MARVELD3: variants seen among roughly 807,000 people sequenced by gnomAD.
MARVELD3 encodes the protein MARVEL domain-containing protein 3.
In MARVELD3, 28 loss-of-function variants were observed where a neutral mutation model predicts 33.5. That is an observed-to-expected ratio of 0.84 (90% CI 0.62 to 1.15). MARVELD3 has a LOEUF of 1.15. Among genes scored for constraint, MARVELD3 ranks in the 50% most tolerant of loss-of-function variants. The pLI, the probability that MARVELD3 is intolerant of heterozygous loss-of-function variation, is 0.00. For missense variants in MARVELD3, 582 were observed against 547.6 expected, an observed-to-expected ratio of 1.06 and a Z score of -0.63; for synonymous variants, 241 against 230.4, an observed-to-expected ratio of 1.05 and a Z score of -0.42.
chr16:71,636,200 T>G lies in MARVELD3; in HGVS notation c.*1397T>G. 1.0e-6 allele frequency: 1 copy of G among 962,910 alleles called. No homozygotes were observed. Among genetic ancestry groups the G allele is most frequent in the Non-Finnish European group, 1.2e-6 (1 of 809,174 alleles). The allele number at this position is 962,910 out of a possible 1,614,324, so 59.6% of individuals were successfully genotyped here. A position where few individuals can be genotyped will look rare whatever the true frequency, so the allele number is the denominator to read the frequency against. ...TGAATCCAATAAAAAATCCAAAGAA[T>G]TTTAATTTGGAGTTGATGTCCTCTT... On this transcript the variant is annotated 3_prime_UTR_variant, in exon 3 of 3. Transcript: ENST00000268485.
At position 71,634,412 on chromosome 16, in the gene MARVELD3, T is replaced by C; in HGVS notation, c.815T>C (p.Val272Ala). The change falls in exon 3 of 3, where the codon GTG (valine) becomes GCG (alanine). Residue 272 changes from valine (V) to alanine (A), a missense_variant. By Grantham distance (64) the Val-to-Ala change is moderately conservative. Transcript: ENST00000268485. ...FYQLKLPMVTVAMACSGALTA... is the reference protein window; with the variant it reads ...FYQLKLPMVTAAMACSGALTA... The stretch of plus-strand genomic sequence containing the variant: ...CAGCTAAAGCTGCCCATGGTCACTG[T>C]GGCAATGGCCTGTAGTGGAGCCCTC... 6.2e-7 allele frequency: 1 copy of C among 1,614,250 alleles called. No homozygotes were observed. Among genetic ancestry groups the C allele is most frequent in the Non-Finnish European group, 8.5e-7 (1 of 1,180,048 alleles).
chr16:71,637,858 T>G (rs2044591677), downstream of MARVELD3: 1 of 152,236 alleles, frequency 6.6e-6, no homozygotes, highest in Non-Finnish European at 1.5e-5. Context: ...TATTTTATTT[T>G]TAGAGTATTT....
chr16:71,628,123 C>T (rs138918840), intron 1 of MARVELD3, among the ~76,000 whole-genome samples: 58 of 152,328 alleles, frequency 3.8e-4, no homozygotes, highest in African/African-American at 1.4e-3. Context: ...AGGGTGCGCC[C>T]AGATACAGTC....
Position 71,626,263 on chromosome 16 carries a change from G to T in MARVELD3, c.34G>T (p.Ala12Ser), listed in dbSNP as rs2044465445. The change falls in exon 1 of 3, where the codon GCC becomes TCC. Residue 12 changes from alanine to serine, a missense_variant. Coordinates refer to ENST00000268485, the MANE Select transcript of MARVELD3 (RefSeq NM_052858.6). The surrounding 1 kb of genome is among the most constrained non-coding windows in gnomAD (Gnocchi z 5.3). The part of the protein sequence containing the change: ...EDPSGAREPR[A>S]RPRERDPGRR... ...TCCGTCGGGGGCTCGCGAGCCCCGG[G>T]CCCGGCCGAGAGAGCGGGACCCGGG... The T allele has an allele frequency of 2.0e-6, 3 of 1,529,266 alleles. No homozygotes were observed. In the African/African-American group the frequency reaches 4.2e-5, roughly 21 times the overall value. The allele number at this position is 1,529,266 out of a possible 1,614,324, so 94.7% of individuals were successfully genotyped here. A position where few individuals can be genotyped will look rare whatever the true frequency, so the allele number is the denominator to read the frequency against.
intron 2 of MARVELD3, among the ~76,000 whole-genome samples, chr16:71,632,330 T>C (rs946855143): frequency 1.3e-5 from 2 of 152,218 alleles, no homozygotes; most frequent in African/African-American, 4.8e-5. Context: ...GTGGGTCATT[T>C]TGTTGCATAT....
chr16:71,632,875 A>G (rs1376235434), intron 2 of MARVELD3, among the ~76,000 whole-genome samples: 1 of 151,692 alleles, frequency 6.6e-6, no homozygotes, highest in Non-Finnish European at 1.5e-5. Context: ...GCCTCCCAAA[A>G]TGCTGGGATT....
At chr16:71,632,728 C>G (rs1419154433) in intron 2 of MARVELD3, among the ~76,000 whole-genome samples, 1 of 151,906 alleles carries the variant, frequency 6.6e-6, no homozygotes, top group Non-Finnish European at 1.5e-5. Flanking sequence ...TCTTCCACCT[C>G]AGCCTCCTGA....
At chr16:71,628,252 G>A (rs756423162) in intron 1 of MARVELD3, among the ~76,000 whole-genome samples, 30 of 152,252 alleles carry the variant, frequency 2.0e-4, no homozygotes, top group Admixed American at 9.8e-4. Context: ...ACCACTGTCC[G>A]AGCCGGACGC....
rs934355196 is a variant in MARVELD3 at position 71,635,126 on chromosome 16, G to A, written c.*323G>A. The A allele has an allele frequency of 4.4e-6, 4 of 912,880 alleles. No homozygotes were observed. Among genetic ancestry groups the A allele is most frequent in the African/African-American group, 1.8e-5 (1 of 56,106 alleles). The allele number at this position is 912,880 out of a possible 1,614,324, so 56.5% of individuals were successfully genotyped here. On this transcript the variant is annotated 3_prime_UTR_variant, in exon 3 of 3. Transcript: ENST00000268485. ...GTGGATCACTTGAGGTCAGGAGCTCGAGACCAGCTTGGCCAACATGGTGAG... is the reference window on the plus strand; with the variant it reads ...GTGGATCACTTGAGGTCAGGAGCTCAAGACCAGCTTGGCCAACATGGTGAG...
chr16:71,640,278 A>G (rs2044607469), downstream of MARVELD3: 5 of 1,310,782 alleles, frequency 3.8e-6, no homozygotes, highest in Non-Finnish European at 5.2e-6. Context: ...AAAAAAAAAA[A>G]AAGTTGACAT....
At position 71,626,562 on chromosome 16, in the gene MARVELD3, C is replaced by A. The variant is rs753666983; in HGVS notation, c.333C>A (p.Arg111=). Residue 111 remains arginine, a synonymous_variant, in exon 1 of 3, where the codon CGC becomes CGA. Transcript: ENST00000268485. This position sits in a 1 kb window ranked among gnomAD's most constrained non-coding sequence, Gnocchi z 5.3. ...AACACGGAGTTTGGGAAAAACCGCG[C>A]CAAAGCCGGACGCGGGACGGAGCCC... ...AGEHGVWEKP[R]QSRTRDGARG... is the part of the protein sequence containing the mutation. 8 of 1,548,236 alleles carry A rather than the reference C, an allele frequency of 5.2e-6. No individual in the cohort carries two copies. In the Admixed American group the frequency reaches 1.6e-4, roughly 30 times the overall value.
At chr16:71,640,859 C>T (rs999101774), downstream of MARVELD3, 1 of 1,614,190 alleles carries the variant, frequency 6.2e-7, no homozygotes, top group Non-Finnish European at 8.5e-7. Flanking sequence ...AGCTGGCAGG[C>T]ACCGACGGAG....
In MARVELD3 at chr16:71,626,493, C is replaced by A. The variant is rs1162453946; in HGVS notation, c.264C>A (p.Gly88=). ...ERERERDPDR[G]PRRDTHRDAG... is the part of the protein sequence containing the mutation. ...AGAGGGAAAGAGACCCGGACCGAGG[C>A]CCCCGCCGGGACACACACAGGGACG... Residue 88 remains glycine (G), a synonymous_variant, in exon 1 of 3, where the codon GGC becomes GGA. Transcript: ENST00000268485. The surrounding 1 kb of genome is among the most constrained non-coding windows in gnomAD (Gnocchi z 5.3). 1.2e-5 allele frequency: 18 copies of A among 1,549,634 alleles called. No homozygotes were observed. The highest frequency in any genetic ancestry group is 1.5e-5 in the Non-Finnish European group (17 of 1,146,826).
At chr16:71,641,243 A>C, downstream of MARVELD3, 1 of 554,868 alleles carries the variant, frequency 1.8e-6, no homozygotes, top group South Asian at 2.2e-5. Flanking sequence ...GCTTGAGGTC[A>C]GCAGATTGAG....
At chr16:71,641,326 G>A (rs933732416), downstream of MARVELD3, 12 of 322,486 alleles carry the variant, frequency 3.7e-5, no homozygotes, top group East Asian at 1.4e-4. Flanking sequence ...GGTGGCTCAC[G>A]CCTGTAATCC....
rs1434194508 is a variant in MARVELD3 at position 71,636,187 on chromosome 16, A to G, written c.*1384A>G. ...TCTTTGCTTTATGTGAATCCAATAA[A>G]AAATCCAAAGAATTTTAATTTGGAG... On this transcript the variant is annotated 3_prime_UTR_variant, in exon 3 of 3. Coordinates refer to ENST00000268485, the MANE Select transcript of MARVELD3 (RefSeq NM_052858.6). 2.0e-6 allele frequency: 2 copies of G among 978,834 alleles called. No individual in the cohort carries two copies. The highest frequency in any genetic ancestry group is 3.5e-5 in the African/African-American group (2 of 57,128). 60.6% of individuals were successfully genotyped at this position (978,834 alleles called of 1,614,324 possible). A position where few individuals can be genotyped will look rare whatever the true frequency, so the allele number is the denominator to read the frequency against.
chr16:71,641,158 G>A (rs1596979717), downstream of MARVELD3: 2 of 1,201,592 alleles, frequency 1.7e-6, no homozygotes, highest in East Asian at 2.5e-5. Context: ...CTGAGGCAAA[G>A]TTAAAGAATT....
Position 71,634,713 on chromosome 16 carries a change from G to A in MARVELD3, c.1116G>A (p.Val372=). 1 of 1,614,218 alleles carries A rather than the reference G, an allele frequency of 6.2e-7. No individual in the cohort carries two copies. The highest frequency in any genetic ancestry group is 8.5e-7 in the Non-Finnish European group (1 of 1,180,046). Residue 372 remains valine (V), a synonymous_variant, in exon 3 of 3, where the codon GTG becomes GTA. Transcript: ENST00000268485. ...GAATCTTTGCTGCCCTGGGCATTGT[G>A]GTCTTTGCCCTGGGGGCTGTCCTGG... ...GAGIFAALGI[V]VFALGAVLAI...
In MARVELD3 at chr16:71,626,409, G is replaced by A. The variant is rs761410882; in HGVS notation, c.180G>A (p.Glu60=). The change falls in exon 1 of 3, where the codon GAG becomes GAA. Residue 60 remains glutamate (E), a synonymous_variant. Transcript: ENST00000268485. This position sits in a 1 kb window ranked among gnomAD's most constrained non-coding sequence, Gnocchi z 5.3. ...GAAGGGACGGGGACCGGGACCCGGAGAGAGACCAGGAGAGGGACGGGAACC... is the reference window on the plus strand; with the variant it reads ...GAAGGGACGGGGACCGGGACCCGGAAAGAGACCAGGAGAGGGACGGGAACC... ...NRRRDGDRDP[E]RDQERDGNRD... 20 of 1,546,464 alleles carry A rather than the reference G, an allele frequency of 1.3e-5. No homozygotes were observed. The highest frequency in any genetic ancestry group is 7.9e-5 in the Admixed American group (4 of 50,824).
Sources: gnomAD v4.1 joint callset for allele counts (sites outside exome capture counted in the v4.1 genomes callset) on GRCh38, gnomAD v4.1.1 for gene constraint, Gnocchi (gnomAD v3.1) non-coding constraint, MANE v1.5 for transcripts, NCBI Gene and HGNC (gene_info 2026-07-23, HGNC 2026-07-21) for gene names.